SULT4A1: variants seen among roughly 807,000 people sequenced by gnomAD.
The protein encoded by SULT4A1 is sulfotransferase 4A1.
SULT4A1 carries 11 observed loss-of-function variants against 35.2 expected under a neutral mutation model. The observed-to-expected ratio is 0.31, with a 90% CI of 0.20 to 0.52. The LOEUF (loss-of-function observed/expected upper bound fraction) is 0.52. SULT4A1 is among the 20% of genes least tolerant of loss of function. The probability of loss-of-function intolerance (pLI) is 0.97; values close to 1 mark genes in which losing one functional copy is unlikely to be tolerated. For synonymous variants in SULT4A1, 152 were observed against 151.8 expected, an observed-to-expected ratio of 1.00 and a Z score of -0.01; for missense variants, 271 against 383.7, an observed-to-expected ratio of 0.71 and a Z score of 2.45.
rs60746917 is a variant in SULT4A1, at chr22:43,857,370, C to CA, written c.169+4843dup. 1.2e-3 allele frequency among the ~76,000 whole-genome samples: 109 copies of CA among 93,736 alleles called. 1 individual carries two copies. The highest frequency in any genetic ancestry group is 1.7e-3 in the Non-Finnish European group (79 of 47,240). The allele number at this position is 93,736 out of a possible 152,430, so 61.5% of individuals were successfully genotyped here. A position where few individuals can be genotyped will look rare whatever the true frequency, so the allele number is the denominator to read the frequency against. Reference sequence around the variant, plus strand: ...TGAGCAGCACAGTGAGATCCTGTCTCAAAAAAAAAAAAAAAAAAAAAGGAA... The same window carrying CA: ...TGAGCAGCACAGTGAGATCCTGTCTCAAAAAAAAAAAAAAAAAAAAAAGGAA... On this transcript the variant is annotated intron_variant, in intron 1 of 6. Coordinates refer to ENST00000330884, the MANE Select transcript of SULT4A1 (RefSeq NM_014351.4).
intron 1 of SULT4A1, among the ~76,000 whole-genome samples, chr22:43,861,788 T>C (rs2049472328): frequency 6.6e-6 from 1 of 152,086 alleles, no homozygotes; most frequent in African/African-American, 2.4e-5. Context: ...TTATCTCCCT[T>C]CCCAGGTGAA....
At chr22:43,826,159 C>T (rs1344596248) in intron 6 of SULT4A1, 46 bp from the exon 7 acceptor site, 11 of 1,609,868 alleles carry the variant, frequency 6.8e-6, no homozygotes, top group Non-Finnish European at 5.9e-6. Flanking sequence ...GCTGTCCGGC[C>T]AGCTACTGAA....
intron 4 of SULT4A1, among the ~76,000 whole-genome samples, chr22:43,835,090 C>CCACCGCTGCCCTGAGCTTCCCGCAGCCA (rs1569503168): frequency 0.019 from 1,663 of 87,280 alleles, 43 homozygotes; most frequent in African/African-American, 0.042. Flanking sequence ...TCCCGCGCCC[C>CCACCGCTGCCCTGAGCTTCCCGCAGCCA]CACCGCTGCC....
intron 1 of SULT4A1, among the ~76,000 whole-genome samples, chr22:43,856,944 G>A (rs536154052): frequency 2.6e-5 from 4 of 151,954 alleles, no homozygotes; most frequent in Non-Finnish European, 4.4e-5. Context: ...AGGCACACGC[G>A]CACACACACA....
At chr22:43,840,371 T>G (rs2063416629) in intron 2 of SULT4A1, among the ~76,000 whole-genome samples, 1 of 152,042 alleles carries the variant, frequency 6.6e-6, no homozygotes, top group African/African-American at 2.4e-5. Flanking sequence ...CCTGGTCTCC[T>G]GTCCTGGAGA....
chr22:43,862,443 CCGCGCCCGCGCCCGCGCCCCGCACACGCT>C lies in SULT4A1; in HGVS notation c.-90_-62del, dbSNP rs1374022846. The C allele has an allele frequency of 5.5e-5, 52 of 945,214 alleles. No homozygotes were observed. Among genetic ancestry groups the C allele is most frequent in the Non-Finnish European group, 6.4e-5 (51 of 800,822 alleles). The allele number at this position is 945,214 out of a possible 1,614,324, so 58.6% of individuals were successfully genotyped here. On this transcript the variant is annotated 5_prime_UTR_variant, in exon 1 of 7. Coordinates refer to ENST00000330884, the MANE Select transcript of SULT4A1 (RefSeq NM_014351.4). Reference sequence around the variant, plus strand: ...GCTCGCAGCCCGCACGCGCCCGCGCCCGCGCCCGCGCCCGCGCCCCGCACACGCTCGCGCCCCACCGGCGCGCGGCGGCA... The same window carrying C: ...GCTCGCAGCCCGCACGCGCCCGCGCCCGCGCCCCACCGGCGCGCGGCGGCA...
chr22:43,843,754 C>A (rs1432505598), intron 1 of SULT4A1, among the ~76,000 whole-genome samples: 1 of 152,246 alleles, frequency 6.6e-6, no homozygotes, highest in Non-Finnish European at 1.5e-5. Flanking sequence ...GACGTCTCTT[C>A]CTCTGGTATT....
chr22:43,838,857 C>T lies in SULT4A1; in HGVS notation c.508+10G>A, dbSNP rs34867535. The T allele has an allele frequency of 1.5e-3, 2,411 of 1,613,852 alleles. 4 individuals carry two copies. Among genetic ancestry groups the T allele is most frequent in the Non-Finnish European group, 2.0e-3 (2,330 of 1,179,842 alleles). ...CCGGTTCTAACATGCCGCCAGGCTG[C>T]AACACTCACGCTTATCATTCATAAA... is the stretch of plus-strand genomic sequence containing the variant. On this transcript the variant is annotated intron_variant, in intron 4 of 6. Transcript: ENST00000330884.
rs781331623 is a variant in SULT4A1, at chr22:43,833,744, CAG to C, written c.509-12_509-11del. 32 of 1,560,416 alleles carry C rather than the reference CAG, an allele frequency of 2.1e-5. No individual in the cohort carries two copies. The highest frequency in any genetic ancestry group is 7.7e-5 in the Admixed American group (4 of 52,072). ...CAGGAGCCGTAGCCCACTGCGGAGACAGGGGACAGGGTGAGCCACACGGCTGG... is the reference window on the plus strand; with the variant it reads ...CAGGAGCCGTAGCCCACTGCGGAGACGGGACAGGGTGAGCCACACGGCTGG... On this transcript the variant is annotated splice_polypyrimidine_tract_variant and intron_variant, in intron 4 of 6. Coordinates refer to ENST00000330884, the MANE Select transcript of SULT4A1 (RefSeq NM_014351.4).
At chr22:43,839,127 C>G (rs1469318660) in intron 3 of SULT4A1, 134 bp from the exon 4 acceptor site, 2 of 1,196,578 alleles carry the variant, frequency 1.7e-6, no homozygotes, top group African/African-American at 3.0e-5. Context: ...CCAGCTGGGG[C>G]CCATGTGCAC....
intron 2 of SULT4A1, among the ~76,000 whole-genome samples, 158 bp downstream of exon 2, chr22:43,841,644 A>G (rs899349946): frequency 3.3e-5 from 5 of 152,106 alleles, no homozygotes; most frequent in African/African-American, 1.2e-4. Flanking sequence ...GTTCCAGGTC[A>G]CTGCCAGCTC....
chr22:43,830,618 A>ACAT (rs1382564309), intron 5 of SULT4A1, among the ~76,000 whole-genome samples: 1 of 152,244 alleles, frequency 6.6e-6, no homozygotes, highest in Non-Finnish European at 1.5e-5. Flanking sequence ...TCGTGCCTCC[A>ACAT]CATGGGCAGG....
At chr22:43,849,391 GT>G in intron 1 of SULT4A1, among the ~76,000 whole-genome samples, 1 of 152,112 alleles carries the variant, frequency 6.6e-6, no homozygotes, top group Non-Finnish European at 1.5e-5. Flanking sequence ...TTACATCCCC[GT>G]TTTCCCGCTC....
chr22:43,826,935 C>T lies in SULT4A1; in HGVS notation c.743-822G>A, dbSNP rs1052401686. ...GAGGGCTGAGCTGTGGGATAAACTG[C>T]AGGCACCGGTCTACGCTGGTTTATG... On this transcript the variant is annotated intron_variant, in intron 6 of 6. Transcript: ENST00000330884. The T allele has an allele frequency of 1.1e-5, 11 of 985,350 alleles. No individual in the cohort carries two copies. In the African/African-American group the frequency reaches 1.9e-4, roughly 17 times the overall value. 61.0% of individuals were successfully genotyped at this position (985,350 alleles called of 1,614,324 possible). A position where few individuals can be genotyped will look rare whatever the true frequency, so the allele number is the denominator to read the frequency against.
In SULT4A1 at chr22:43,832,567, C is replaced by T. The variant is rs115222712; in HGVS notation, c.603+1073G>A. On this transcript the variant is annotated intron_variant, in intron 5 of 6. Transcript: ENST00000330884. ...GAAACGCAAGGCACACCCCCACACC[C>T]CAGGATCACAGTGCACACACCCCCA... Among the ~76,000 whole-genome samples, 832 of 152,174 alleles carry T rather than the reference C, an allele frequency of 5.5e-3. 7 individuals carry two copies. The highest frequency in any genetic ancestry group is 0.019 in the African/African-American group (779 of 41,512).
At chr22:43,850,832 C>A (rs949707489) in intron 1 of SULT4A1, among the ~76,000 whole-genome samples, 17 of 152,188 alleles carry the variant, frequency 1.1e-4, no homozygotes, top group African/African-American at 3.9e-4. Flanking sequence ...CGCTTTCCGT[C>A]ATCCTGTCTT....
rs932819187 is a variant in SULT4A1 at position 43,825,088 on chromosome 22, T to C, written c.*913A>G. The C allele has an allele frequency of 6.6e-6, 1 of 152,214 alleles. No individual in the cohort carries two copies. Among genetic ancestry groups the C allele is most frequent in the East Asian group, 1.9e-4 (1 of 5,196 alleles). The allele number at this position is 152,214 out of a possible 1,614,324, so 9.4% of individuals were successfully genotyped here. A position where few individuals can be genotyped will look rare whatever the true frequency, so the allele number is the denominator to read the frequency against. ...CAGGTGCACAGAACAAACTGAATGA[T>C]AAAGACCCGGGGATTTTAGAAATTT... On this transcript the variant is annotated 3_prime_UTR_variant, in exon 7 of 7. Coordinates refer to ENST00000330884, the MANE Select transcript of SULT4A1 (RefSeq NM_014351.4).
At chr22:43,851,075 T>C (rs902574166) in intron 1 of SULT4A1, among the ~76,000 whole-genome samples, 2 of 152,242 alleles carry the variant, frequency 1.3e-5, no homozygotes, top group Non-Finnish European at 1.5e-5. Flanking sequence ...ATTTTTCTTA[T>C]ATTTTTGCTC....
chr22:43,856,600 AGT>A (rs1423365382), intron 1 of SULT4A1, among the ~76,000 whole-genome samples: 3 of 152,224 alleles, frequency 2.0e-5, no homozygotes, highest in Non-Finnish European at 1.5e-5. Flanking sequence ...CAGGGGCAAG[AGT>A]GTGCAGACAA....
Sources: gnomAD v4.1 joint callset for allele counts (sites outside exome capture counted in the v4.1 genomes callset) on GRCh38, gnomAD v4.1.1 for gene constraint, MANE v1.5 for transcripts, NCBI Gene and HGNC (gene_info 2026-07-23, HGNC 2026-07-21) for gene names.